The following SEPTIN10 variants were observed in gnomAD, a reference collection of about 807,000 sequenced individuals.
SEPTIN10 encodes the protein septin 10, also known as septin-10.
Under a neutral mutation model 54.8 loss-of-function variants are expected in SEPTIN10, and 66 were observed. That is an observed-to-expected ratio of 1.21 (90% CI 0.99 to 1.48). The LOEUF (loss-of-function observed/expected upper bound fraction) is 1.48. Ranked by LOEUF, SEPTIN10 falls within the 40% of genes most tolerant of loss-of-function variation. The pLI, the probability that SEPTIN10 is intolerant of heterozygous loss-of-function variation, is 0.00. For missense variants in SEPTIN10, 620 were observed against 545.6 expected, an observed-to-expected ratio of 1.14 and a Z score of -1.36; for synonymous variants, 161 against 181.0, an observed-to-expected ratio of 0.89 and a Z score of 0.89.
intron 2 of SEPTIN10, among the ~76,000 whole-genome samples, chr2:109,587,790 G>A (rs933298801): frequency 1.3e-5 from 2 of 152,156 alleles, no homozygotes; most frequent in East Asian, 3.9e-4. Context: ...GCACGCACCT[G>A]TAGTCCCAGC....
chr2:109,590,196 C>T (rs2105898560), intron 2 of SEPTIN10, among the ~76,000 whole-genome samples: 1 of 151,894 alleles, frequency 6.6e-6, no homozygotes, highest in South Asian at 2.1e-4. Flanking sequence ...AGTAGACTTA[C>T]AGGTTGGGGT....
At chr2:109,565,058 CCTT>C (rs752559007) in intron 7 of SEPTIN10, among the ~76,000 whole-genome samples, 9 of 152,088 alleles carry the variant, frequency 5.9e-5, no homozygotes, top group Non-Finnish European at 1.2e-4. Context: ...CTTACATGAT[CCTT>C]CTTCTATGTT....
intron 2 of SEPTIN10, among the ~76,000 whole-genome samples, chr2:109,588,910 T>C (rs941605093): frequency 2.4e-5 from 3 of 123,878 alleles, no homozygotes; most frequent in African/African-American, 9.3e-5. Context: ...AGAAATGAAA[T>C]TGAGTCATAA....
intron 8 of SEPTIN10, among the ~76,000 whole-genome samples, chr2:109,559,177 C>T (rs941735500): frequency 6.6e-5 from 10 of 152,182 alleles, no homozygotes; most frequent in South Asian, 2.1e-4. Context: ...TAAGCCACCA[C>T]GCCTGGCCAG....
intron 8 of SEPTIN10, among the ~76,000 whole-genome samples, chr2:109,553,882 C>T (rs2104820147): frequency 6.6e-6 from 1 of 151,104 alleles, no homozygotes; most frequent in South Asian, 2.1e-4. Flanking sequence ...ATACAATAAA[C>T]TTTCAAAAAT....
intron 10 of SEPTIN10, chr2:109,545,678 T>A: frequency 1.4e-6 from 2 of 1,467,594 alleles, no homozygotes; most frequent in Non-Finnish European, 1.8e-6. Context: ...TATTTAGACA[T>A]GAAATTCAAA....
intron 2 of SEPTIN10, among the ~76,000 whole-genome samples, chr2:109,586,989 T>C (rs1174616950): frequency 6.6e-6 from 1 of 151,908 alleles, no homozygotes; most frequent in Non-Finnish European, 1.5e-5. Context: ...AATAAAAAAA[T>C]TATGACAGGA....
At chr2:109,597,109 G>C (rs1409663793) in intron 1 of SEPTIN10, among the ~76,000 whole-genome samples, 2 of 151,860 alleles carry the variant, frequency 1.3e-5, no homozygotes, top group Non-Finnish European at 2.9e-5. Context: ...CAGCACACTT[G>C]GCTAATTTTT....
Position 109,543,961 on chromosome 2 carries a change from T to G in SEPTIN10, c.*348A>C. On this transcript the variant is annotated 3_prime_UTR_variant, in exon 11 of 11. Transcript: ENST00000397712. ...GCCTGAAAGTAATTTATACAAAAAT[T>G]TTGTGCAAGAAACAAAATCTGTTTA... is the stretch of plus-strand genomic sequence containing the variant. 1.7e-6 allele frequency: 1 copy of G among 577,918 alleles called. No homozygotes were observed. Among genetic ancestry groups the G allele is most frequent in the East Asian group, 2.9e-5 (1 of 34,504 alleles). 35.8% of individuals were successfully genotyped at this position (577,918 alleles called of 1,614,324 possible). A position where few individuals can be genotyped will look rare whatever the true frequency, so the allele number is the denominator to read the frequency against.
At chr2:109,560,710 T>TCA (rs1049827681) in intron 8 of SEPTIN10, among the ~76,000 whole-genome samples, 10 of 152,064 alleles carry the variant, frequency 6.6e-5, no homozygotes, top group African/African-American at 1.4e-4. Flanking sequence ...CACTGCTGCC[T>TCA]CACACACACA....
chr2:109,582,894 C>T (rs1371632625), intron 4 of SEPTIN10, among the ~76,000 whole-genome samples: 1 of 152,180 alleles, frequency 6.6e-6, no homozygotes, highest in Non-Finnish European at 1.5e-5. Context: ...GGCATCTGAT[C>T]TTCAACAAAG....
At chr2:109,547,946 G>A (rs1484603432) in intron 9 of SEPTIN10, among the ~76,000 whole-genome samples, 1 of 152,138 alleles carries the variant, frequency 6.6e-6, no homozygotes, top group Non-Finnish European at 1.5e-5. Flanking sequence ...ACATGTGCTG[G>A]GGTAACTGTG....
At chr2:109,561,557 CTA>C (rs1685658059) in intron 8 of SEPTIN10, among the ~76,000 whole-genome samples, 1 of 152,222 alleles carries the variant, frequency 6.6e-6, no homozygotes, top group Non-Finnish European at 1.5e-5. Flanking sequence ...TCCCAAATTA[CTA>C]TGGCAGCCCT....
intron 9 of SEPTIN10, among the ~76,000 whole-genome samples, chr2:109,550,764 A>C (rs1166467949): frequency 6.6e-6 from 1 of 152,076 alleles, no homozygotes; most frequent in East Asian, 1.9e-4. Flanking sequence ...AAATTCCCTC[A>C]ACCAGGGCTC....
chr2:109,589,826 C>A (rs1266264962), intron 2 of SEPTIN10, among the ~76,000 whole-genome samples: 5 of 151,862 alleles, frequency 3.3e-5, no homozygotes, highest in Non-Finnish European at 7.4e-5. Flanking sequence ...GTTTTATTCC[C>A]AATGGTCAAA....
chr2:109,556,998 A>T (rs1684524003), intron 8 of SEPTIN10, among the ~76,000 whole-genome samples: 1 of 152,102 alleles, frequency 6.6e-6, no homozygotes, highest in Non-Finnish European at 1.5e-5. Flanking sequence ...AGGAAGGGGA[A>T]CATCACACAC....
chr2:109,564,423 C>T lies in SEPTIN10; in HGVS notation c.971G>A (p.Arg324His), dbSNP rs187032403. 1.6e-4 allele frequency: 253 copies of T among 1,595,554 alleles called. 1 individual carries two copies. In the African/African-American group the frequency reaches 2.3e-3, roughly 14 times the overall value. The change falls in exon 8 of 11, where the codon CGC (arginine) becomes CAC (histidine). Residue 324 changes from arginine to histidine, a missense_variant. Transcript: ENST00000397712. ...AAAGCCCATTTCCTCCAGTTTGCAG[C>T]GCCTGTAAAGCTCATAGTGCCTGGT... The part of the protein sequence containing the change: ...THTRHYELYR[R>H]CKLEEMGFTD...
chr2:109,560,380 G>A (rs987184557), intron 8 of SEPTIN10, among the ~76,000 whole-genome samples: 3 of 152,060 alleles, frequency 2.0e-5, no homozygotes, highest in Non-Finnish European at 4.4e-5. Flanking sequence ...GTTCCAAGAC[G>A]TGACACTGCT....
chr2:109,556,102 T>A (rs1684310510), intron 8 of SEPTIN10, among the ~76,000 whole-genome samples: 1 of 152,180 alleles, frequency 6.6e-6, no homozygotes, highest in African/African-American at 2.4e-5. Flanking sequence ...GACAAATTTC[T>A]GGGAAGAGGA....
Sources: gnomAD v4.1 joint callset for allele counts (sites outside exome capture counted in the v4.1 genomes callset) on GRCh38, gnomAD v4.1.1 for gene constraint, MANE v1.5 for transcripts, NCBI Gene and HGNC (gene_info 2026-07-23, HGNC 2026-07-21) for gene names.